RNF6: variants seen among roughly 807,000 people sequenced by gnomAD.
RNF6 encodes ring finger protein 6.
A neutral mutation model predicts 50.1 loss-of-function variants in RNF6; 21 were observed. That is an observed-to-expected ratio of 0.42 (90% CI 0.30 to 0.60). The LOEUF (loss-of-function observed/expected upper bound fraction) is 0.60, where lower values mean the gene tolerates loss of function less well. RNF6 is among the 20% of genes least tolerant of loss of function. The pLI is 0.20. For synonymous variants in RNF6, 255 were observed against 291.8 expected (o/e 0.87, Z 1.29); for missense variants, 698 against 838.2 (o/e 0.83, Z 2.07).
intron 5 of RNF6, among the ~76,000 whole-genome samples, chr13:26,147,935 T>C (rs1350831816): frequency 6.6e-6 from 1 of 152,190 alleles, no homozygotes; most frequent in Non-Finnish European, 1.5e-5. Flanking sequence ...ACTCATCAGT[T>C]TGACAAAAAT....
intron 4 of RNF6, among the ~76,000 whole-genome samples, chr13:26,216,671 T>C (rs909656349): frequency 2.0e-5 from 3 of 152,146 alleles, no homozygotes. Context: ...ATAGCTATTA[T>C]AGGCCGGGCG....
intron 5 of RNF6, among the ~76,000 whole-genome samples, chr13:26,175,926 C>G (rs1023079794): frequency 2.6e-5 from 4 of 151,880 alleles, no homozygotes; most frequent in Admixed American, 6.6e-5. Context: ...AAAAAACAAG[C>G]AGGGGGTGGA....
exon 6 of RNF6, chr13:26,132,377 G>T: frequency 2.2e-6 from 1 of 453,206 alleles, no homozygotes; most frequent in Non-Finnish European, 4.4e-6. Context: ...AAGATGAGGT[G>T]CTTCACAGTC....
Position 26,213,423 on chromosome 13 carries a change from G to C in RNF6, c.*401C>G, listed in dbSNP as rs1869462484. ...CCTTAAAATAAAAAGTTAATGAAAA[G>C]CTTATTTAGACACAAATGTCTAGAT... On this transcript the variant is annotated 3_prime_UTR_variant, in exon 5 of 5. Transcript: ENST00000381588. 1 of 154,806 alleles carries C rather than the reference G, an allele frequency of 6.5e-6. No individual in the cohort carries two copies. Among genetic ancestry groups the C allele is most frequent in the South Asian group, 2.1e-4 (1 of 4,870 alleles). 9.6% of individuals were successfully genotyped at this position (154,806 alleles called of 1,614,324 possible).
downstream of RNF6, among the ~76,000 whole-genome samples, chr13:26,211,486 T>C (rs965653707): frequency 2.6e-5 from 4 of 152,230 alleles, no homozygotes; most frequent in South Asian, 4.2e-4. Flanking sequence ...GGGCCAGGCA[T>C]GGTGGCTCAT....
intron 5 of RNF6, among the ~76,000 whole-genome samples, chr13:26,152,643 G>A (rs556192466): frequency 9.2e-5 from 14 of 152,182 alleles, no homozygotes; most frequent in African/African-American, 3.4e-4. Context: ...GAATTCTCCC[G>A]TTTAAGGTCA....
At chr13:26,176,588 G>A (rs973419762) in intron 5 of RNF6, among the ~76,000 whole-genome samples, 1 of 152,206 alleles carries the variant, frequency 6.6e-6, no homozygotes, top group Non-Finnish European at 1.5e-5. Flanking sequence ...TATTCAAGTC[G>A]AGATGTTTAG....
At position 26,148,076 on chromosome 13, in the gene RNF6, A is replaced by G. The variant is rs146620728; in HGVS notation, n.769-15625T>C. Among the ~76,000 whole-genome samples the G allele has an allele frequency of 1.6e-3, 240 of 152,332 alleles. 1 individual carries two copies. Among genetic ancestry groups the G allele is most frequent in the African/African-American group, 5.5e-3 (228 of 41,588 alleles). On this transcript the variant is annotated intron_variant and non_coding_transcript_variant, in intron 5 of 5. Coordinates refer to the RNF6 transcript ENST00000468480. ...CCACCTGGCTGGGGAGGCCTCAGGAAACTTACAACCATGACATAAGGCGAA... is the reference window on the plus strand; with the variant it reads ...CCACCTGGCTGGGGAGGCCTCAGGAGACTTACAACCATGACATAAGGCGAA...
chr13:26,197,862 C>T (rs1868733591), intron 5 of RNF6, among the ~76,000 whole-genome samples: 1 of 151,740 alleles, frequency 6.6e-6, no homozygotes, highest in African/African-American at 2.4e-5. Context: ...CGTCTGTTCT[C>T]TGATCATATG....
In RNF6 at chr13:26,145,854, A is replaced by G. The variant is rs9581559; in HGVS notation, n.769-13403T>C. On this transcript the variant is annotated intron_variant and non_coding_transcript_variant, in intron 5 of 5. Transcript: ENST00000468480. ...CTTCCACTTGGCCTTTCCCACCACA[A>G]TGGACCTCACTCTACAGGTCAGGGA... 9.7e-3 allele frequency among the ~76,000 whole-genome samples: 1,481 copies of G among 152,260 alleles called. 28 individuals are homozygous for G. The highest frequency in any genetic ancestry group is 0.034 in the African/African-American group (1,414 of 41,560).
At chr13:26,171,605 T>C (rs1296011138) in intron 5 of RNF6, among the ~76,000 whole-genome samples, 1 of 152,186 alleles carries the variant, frequency 6.6e-6, no homozygotes, top group Non-Finnish European at 1.5e-5. Flanking sequence ...AAAGTGTTCA[T>C]AGCAGCATTA....
intron 5 of RNF6, among the ~76,000 whole-genome samples, chr13:26,165,412 T>C (rs1872402865): frequency 1.3e-5 from 2 of 152,164 alleles, no homozygotes; most frequent in African/African-American, 2.4e-5. Flanking sequence ...GGAGCCTGCA[T>C]AGGGAGTCTC....
At chr13:26,149,916 A>ATG (rs1179401642) in intron 5 of RNF6, among the ~76,000 whole-genome samples, 1,594 of 23,468 alleles carry the variant, frequency 0.068, 517 homozygotes, top group Non-Finnish European at 0.14. Context: ...TGTATATATA[A>ATG]TGTGTATATA....
rs371774632 is a variant in RNF6, at chr13:26,186,537, T to C, written n.768+28937A>G. Reference sequence around the variant, plus strand: ...GTCTGTTAGGGCGCGCGCACACACATGCACGTGCACGAGCGCACGTACACG... The same window carrying C: ...GTCTGTTAGGGCGCGCGCACACACACGCACGTGCACGAGCGCACGTACACG... On this transcript the variant is annotated intron_variant and non_coding_transcript_variant, in intron 5 of 5. Coordinates refer to the RNF6 transcript ENST00000468480. Among the ~76,000 whole-genome samples, 57 of 152,270 alleles carry C rather than the reference T, an allele frequency of 3.7e-4. No homozygotes were observed. In the East Asian group the frequency reaches 9.3e-3, roughly 25 times the overall value.
In RNF6 at chr13:26,214,571, A is replaced by G. The variant is rs1244472842; in HGVS notation, c.1311T>C (p.Asn437=). Residue 437 remains asparagine, a synonymous_variant, in exon 5 of 5, where the codon AAT becomes AAC. Transcript: ENST00000381588. The stretch of plus-strand genomic sequence containing the variant: ...AAATGGTTCGGCGAAAGCCCCCACT[A>G]TTGCTTTCAATAGTGACTGTATTTT... The part of the protein sequence containing the change: ...LAENTVTIES[N]SGGFRRTISR... The G allele has an allele frequency of 3.7e-6, 6 of 1,614,014 alleles. No homozygotes were observed. Among genetic ancestry groups the G allele is most frequent in the African/African-American group, 1.3e-5 (1 of 74,910 alleles).
chr13:26,155,584 AAGGCCCGTGTCCC>A (rs2137595601), intron 5 of RNF6, among the ~76,000 whole-genome samples: 1 of 152,284 alleles, frequency 6.6e-6, no homozygotes, highest in South Asian at 2.1e-4. Flanking sequence ...TCATCAAGGG[AAGGCCCGTGTCCC>A]TGATTCTGCC....
In RNF6 at chr13:26,214,900, T is replaced by A; in HGVS notation, c.982A>T (p.Arg328Trp). 1 of 1,614,242 alleles carries A rather than the reference T, an allele frequency of 6.2e-7. No homozygotes were observed. Among genetic ancestry groups the A allele is most frequent in the Non-Finnish European group, 8.5e-7 (1 of 1,180,038 alleles). ...QSGTVYHNSQ[R>W]ESRPVQQTTR... Reference sequence around the variant, plus strand: ...GTTTGCTGTACTGGTCTACTTTCCCTTTGGGAATTATGATAAACAGTGCCA... The same window carrying A: ...GTTTGCTGTACTGGTCTACTTTCCCATTGGGAATTATGATAAACAGTGCCA... The change falls in exon 5 of 5, where the codon AGG becomes TGG. Residue 328 changes from arginine (R) to tryptophan (W), a missense_variant. By Grantham distance (101) the Arg-to-Trp change is moderately radical. Coordinates refer to ENST00000381588, the MANE Select transcript of RNF6 (RefSeq NM_005977.4).
At chr13:26,166,884 C>T (rs751894665) in intron 5 of RNF6, among the ~76,000 whole-genome samples, 1 of 152,208 alleles carries the variant, frequency 6.6e-6, no homozygotes, top group Non-Finnish European at 1.5e-5. Context: ...CACACCACTG[C>T]ACTCCAGCCT....
chr13:26,144,129 T>A (rs1271062437), intron 5 of RNF6, among the ~76,000 whole-genome samples: 1 of 149,414 alleles, frequency 6.7e-6, no homozygotes. Flanking sequence ...CATTGGGCAC[T>A]CAGTGACGGC....
Sources: gnomAD v4.1 joint callset for allele counts (sites outside exome capture counted in the v4.1 genomes callset) on GRCh38, gnomAD v4.1.1 for gene constraint, MANE v1.5 for transcripts, NCBI Gene and HGNC (gene_info 2026-07-23, HGNC 2026-07-21) for gene names.